ZIM3: variants seen among roughly 807,000 people sequenced by gnomAD.
ZIM3 encodes the protein zinc finger protein 657.
Under a neutral mutation model 12.9 loss-of-function variants are expected in ZIM3, and 11 were observed. The observed-to-expected ratio is 0.85, with a 90% CI of 0.54 to 1.41. ZIM3 has a LOEUF of 1.41. Ranked by LOEUF, ZIM3 falls within the 40% of genes most tolerant of loss-of-function variation. ZIM3 has a pLI of 0.00. For missense variants in ZIM3, 604 were observed against 557.2 expected, an observed-to-expected ratio of 1.08 and a Z score of -0.85; for synonymous variants, 205 against 198.5, an observed-to-expected ratio of 1.03 and a Z score of -0.28.
intron 2 of ZIM3, 143 bp downstream of exon 2, chr19:57,142,486 G>T: frequency 1.2e-6 from 1 of 847,370 alleles, no homozygotes; most frequent in Non-Finnish European, 1.9e-6. Flanking sequence ...AAAGCAGAAA[G>T]TAGAGTGTGT....
chr19:57,141,851 C>CA (rs145561392), intron 2 of ZIM3, among the ~76,000 whole-genome samples: 62,581 of 146,660 alleles, frequency 0.43, 14,664 homozygotes, highest in South Asian at 0.57. Flanking sequence ...GAGACTCCCT[C>CA]AAAAAAAAAA....
At chr19:57,140,709 T>C (rs2122668027) in intron 2 of ZIM3, among the ~76,000 whole-genome samples, 1 of 152,180 alleles carries the variant, frequency 6.6e-6, no homozygotes, top group East Asian at 1.9e-4. Flanking sequence ...TGGCCTCAAG[T>C]GGTCTTCCTG....
intron 1 of ZIM3, among the ~76,000 whole-genome samples, 177 bp downstream of exon 1, chr19:57,144,682 G>A (rs8106383): frequency 0.32 from 48,310 of 151,800 alleles, 9,507 homozygotes; most frequent in East Asian, 0.55. Context: ...GAGTGTCCTG[G>A]GAGCATCACT....
intron 2 of ZIM3, among the ~76,000 whole-genome samples, chr19:57,139,546 T>C (rs1176265187): frequency 6.6e-6 from 1 of 150,760 alleles, no homozygotes; most frequent in Non-Finnish European, 1.5e-5. Context: ...GTCAACATGG[T>C]GAAACCCCAT....
At chr19:57,141,398 C>CAAAAAAAAA (rs66633580) in intron 2 of ZIM3, among the ~76,000 whole-genome samples, 3 of 105,468 alleles carry the variant, frequency 2.8e-5, no homozygotes, top group African/African-American at 7.4e-5. Context: ...GAGACTGTCT[C>CAAAAAAAAA]AAAAAAAAAA....
At chr19:57,137,878 G>A (rs1391229775) in intron 3 of ZIM3, among the ~76,000 whole-genome samples, 1,428 of 49,184 alleles carry the variant, frequency 0.029, 366 homozygotes, top group East Asian at 0.18. Flanking sequence ...AAAGAAGGAA[G>A]GAAGGAAGGA....
At chr19:57,138,000 A>G (rs1232923243) in intron 3 of ZIM3, among the ~76,000 whole-genome samples, 1 of 81,332 alleles carries the variant, frequency 1.2e-5, no homozygotes, top group Non-Finnish European at 2.3e-5. Context: ...GGAAGGAAGG[A>G]AAGAAGGAAG....
chr19:57,141,453 G>A (rs1599923913), intron 2 of ZIM3, among the ~76,000 whole-genome samples: 1 of 150,154 alleles, frequency 6.7e-6, no homozygotes, highest in East Asian at 2.0e-4. Context: ...GCTGAAACCA[G>A]CCCAGTAATC....
At chr19:57,141,256 G>T (rs1042966484) in intron 2 of ZIM3, among the ~76,000 whole-genome samples, 3 of 151,866 alleles carry the variant, frequency 2.0e-5, no homozygotes, top group Admixed American at 1.3e-4. Context: ...TTAGCCGGGC[G>T]TGGGCGTGGT....
intron 1 of ZIM3, 141 bp from the exon 2 acceptor site, chr19:57,142,826 C>T: frequency 1.7e-6 from 1 of 583,536 alleles, no homozygotes; most frequent in South Asian, 2.5e-5. Context: ...CCTCAGTGAT[C>T]CCCTTCTGAA....
Position 57,134,934 on chromosome 19 carries a change from C to G in ZIM3, c.1403G>C (p.Arg468Thr). ...ATGGGGCTCCTATCTGGAGTGAATTCTTTTCTGGTGCCTAACAAGGTATGA... is the reference window on the plus strand; with the variant it reads ...ATGGGGCTCCTATCTGGAGTGAATTGTTTTCTGGTGCCTAACAAGGTATGA... ...DRSYLVRHQK[R>T]IHSR The change falls in exon 5 of 5, where the codon AGA (arginine) becomes ACA (threonine). Residue 468 changes from arginine (R) to threonine (T), a missense_variant. Physicochemically the swap from Arg to Thr is moderately conservative, Grantham distance 71. Coordinates refer to ENST00000269834, the MANE Select transcript of ZIM3 (RefSeq NM_052882.1). 6.2e-7 allele frequency: 1 copy of G among 1,611,450 alleles called. No individual in the cohort carries two copies. The highest frequency in any genetic ancestry group is 8.5e-7 in the Non-Finnish European group (1 of 1,178,642).
intron 2 of ZIM3, among the ~76,000 whole-genome samples, chr19:57,139,928 C>T (rs986854260): frequency 6.6e-6 from 1 of 152,098 alleles, no homozygotes; most frequent in East Asian, 1.9e-4. Context: ...TACCACACTC[C>T]CACTCACACA....
At chr19:57,140,780 C>A (rs1352639669) in intron 2 of ZIM3, among the ~76,000 whole-genome samples, 1 of 152,112 alleles carries the variant, frequency 6.6e-6, no homozygotes, top group East Asian at 1.9e-4. Context: ...CCTTAGTATG[C>A]CTTTCCTGTC....
intron 3 of ZIM3, among the ~76,000 whole-genome samples, chr19:57,137,265 G>T (rs998521182): frequency 6.6e-6 from 1 of 152,036 alleles, no homozygotes; most frequent in Non-Finnish European, 1.5e-5. Flanking sequence ...TAGGAGAATT[G>T]CTAGAGCACA....
chr19:57,136,238 T>C (rs2086886325), intron 4 of ZIM3, 143 bp from the exon 5 acceptor site: 1 of 748,394 alleles, frequency 1.3e-6, no homozygotes, highest in Admixed American at 2.8e-5. Context: ...ATAAGCTCTG[T>C]TAGAGTTCTA....
chr19:57,135,858 G>C lies in ZIM3; in HGVS notation c.479C>G (p.Ser160Cys). The C allele has an allele frequency of 6.2e-7, 1 of 1,614,076 alleles. No homozygotes were observed. Among genetic ancestry groups the C allele is most frequent in the Non-Finnish European group, 8.5e-7 (1 of 1,180,024 alleles). Reference sequence around the variant, plus strand: ...TTTCAGTTGTTGTCCTACAAATTTGGATGGATTATTGCCAACTAATTTTCT... The same window carrying C: ...TTTCAGTTGTTGTCCTACAAATTTGCATGGATTATTGCCAACTAATTTTCT... ...GYRKLVGNNP[S>C]KFVGQQLKCN... The change falls in exon 5 of 5, where the codon TCC becomes TGC. Residue 160 changes from serine to cysteine, a missense_variant. Physicochemically the swap from Ser to Cys is moderately radical, Grantham distance 112. Coordinates refer to ENST00000269834, the MANE Select transcript of ZIM3 (RefSeq NM_052882.1).
intron 2 of ZIM3, among the ~76,000 whole-genome samples, chr19:57,141,043 A>G (rs1011875410): frequency 2.0e-5 from 3 of 152,200 alleles, no homozygotes; most frequent in Admixed American, 6.5e-5. Flanking sequence ...TGAAACACAC[A>G]TGACACTGTT....
intron 3 of ZIM3, among the ~76,000 whole-genome samples, chr19:57,138,112 CAGGGAGGGAGGG>C (rs144869981): frequency 7.9e-5 from 1 of 12,582 alleles, no homozygotes. Context: ...GGGAAGGAGG[CAGGGAGGGAGGG>C]AGGGAGGGAG....
chr19:57,142,384 C>G (rs10418415), intron 2 of ZIM3, among the ~76,000 whole-genome samples: 3,543 of 152,102 alleles, frequency 0.023, 156 homozygotes, highest in African/African-American at 0.081. Context: ...TCAAGCGATC[C>G]GCCTGCCTTG....
Sources: gnomAD v4.1 joint callset for allele counts (sites outside exome capture counted in the v4.1 genomes callset) on GRCh38, gnomAD v4.1.1 for gene constraint, MANE v1.5 for transcripts, NCBI Gene and HGNC (gene_info 2026-07-23, HGNC 2026-07-21) for gene names.